The following SPRYD7 variants were observed in gnomAD, a reference collection of about 807,000 sequenced individuals.
The protein encoded by SPRYD7 is SPRY domain containing 7.
Under a neutral mutation model 23.8 loss-of-function variants are expected in SPRYD7, and 14 were observed. The observed-to-expected ratio is 0.59, with a 90% CI of 0.39 to 0.92. The LOEUF (loss-of-function observed/expected upper bound fraction) is 0.92. Ranked by LOEUF, SPRYD7 falls within the 40% of genes least tolerant of loss-of-function variation. SPRYD7 has a pLI of 0.00. For missense variants in SPRYD7, 194 were observed against 241.7 expected, an observed-to-expected ratio of 0.80 and a Z score of 1.31; for synonymous variants, 75 against 84.9, an observed-to-expected ratio of 0.88 and a Z score of 0.64.
At chr13:49,923,202 G>C (rs188715000) in intron 3 of SPRYD7, among the ~76,000 whole-genome samples, 1 of 152,014 alleles carries the variant, frequency 6.6e-6, no homozygotes, top group Admixed American at 6.6e-5. Context: ...TGTAATCCAG[G>C]CACTTTCATC....
intron 4 of SPRYD7, among the ~76,000 whole-genome samples, chr13:49,917,733 C>G (rs116222362): frequency 1.3e-5 from 2 of 152,278 alleles, no homozygotes; most frequent in African/African-American, 4.8e-5. Context: ...AACTGTCACT[C>G]TACTGATATT....
intron 2 of SPRYD7, among the ~76,000 whole-genome samples, chr13:49,929,377 G>A (rs1001978040): frequency 6.6e-6 from 1 of 152,044 alleles, no homozygotes; most frequent in African/African-American, 2.4e-5. Flanking sequence ...ATCATTCAAG[G>A]CTGGCCAAGT....
chr13:49,919,317 G>A (rs894748249), intron 4 of SPRYD7, among the ~76,000 whole-genome samples: 13 of 151,920 alleles, frequency 8.6e-5, no homozygotes, highest in East Asian at 5.9e-4. Flanking sequence ...AGGCCGAGGC[G>A]GGCAGAACAG....
chr13:49,921,341 G>C, intron 4 of SPRYD7, 137 bp downstream of exon 4: 1 of 575,010 alleles, frequency 1.7e-6, no homozygotes, highest in Non-Finnish European at 3.1e-6. Context: ...CTGTGGAACT[G>C]TGAGTCAATT....
chr13:49,917,189 C>T (rs1594508184), intron 4 of SPRYD7, among the ~76,000 whole-genome samples: 2 of 152,052 alleles, frequency 1.3e-5, no homozygotes, highest in African/African-American at 2.4e-5. Flanking sequence ...CTGCAAGCTC[C>T]GCCTCCCCGG....
At chr13:49,929,877 T>C (rs963323392) in intron 2 of SPRYD7, among the ~76,000 whole-genome samples, 2 of 150,196 alleles carry the variant, frequency 1.3e-5, no homozygotes, top group Non-Finnish European at 3.0e-5. Context: ...GCAGCCTCTG[T>C]CTTCCGGGTT....
chr13:49,920,249 GCAAAACAAAA>G (rs113040426), intron 4 of SPRYD7, among the ~76,000 whole-genome samples: 2,604 of 149,498 alleles, frequency 0.017, 63 homozygotes, highest in African/African-American at 0.061. Flanking sequence ...AGACTCTGTC[GCAAAACAAAA>G]CAAAACAAAA....
At chr13:49,928,991 C>T (rs535337283) in intron 2 of SPRYD7, among the ~76,000 whole-genome samples, 2 of 152,244 alleles carry the variant, frequency 1.3e-5, no homozygotes, top group South Asian at 2.1e-4. Flanking sequence ...TAAGCCACCA[C>T]ACCCAGCTAA....
rs1440566762 is a variant in SPRYD7 at position 49,913,128 on chromosome 13, G to A, written c.*1935C>T. On this transcript the variant is annotated 3_prime_UTR_variant, in exon 5 of 5. Coordinates refer to ENST00000361840, the MANE Select transcript of SPRYD7 (RefSeq NM_020456.4). ...GTTGCCGGTCTGAGAAGCATCATGA[G>A]AACCACTTTCTGGCTGGGTGTGGTG... is the stretch of plus-strand genomic sequence containing the variant. 6.6e-6 allele frequency: 1 copy of A among 152,164 alleles called. No individual in the cohort carries two copies. The highest frequency in any genetic ancestry group is 1.5e-5 in the Non-Finnish European group (1 of 68,054). 9.4% of individuals were successfully genotyped at this position (152,164 alleles called of 1,614,324 possible). A position where few individuals can be genotyped will look rare whatever the true frequency, so the allele number is the denominator to read the frequency against.
intron 4 of SPRYD7, among the ~76,000 whole-genome samples, chr13:49,918,863 C>T (rs1434157385): frequency 1.1e-4 from 17 of 151,490 alleles, no homozygotes; most frequent in Admixed American, 7.9e-4. Context: ...TACAGGAGTG[C>T]GCTACCACGT....
chr13:49,917,742 T>C (rs754530638), intron 4 of SPRYD7, among the ~76,000 whole-genome samples: 26 of 152,338 alleles, frequency 1.7e-4, no homozygotes, highest in Admixed American at 3.9e-4. Context: ...TCTACTGATA[T>C]TTATTTTATT....
Position 49,936,316 on chromosome 13 carries a change from C to G in SPRYD7, c.-81G>C. On this transcript the variant is annotated 5_prime_UTR_variant, in exon 1 of 5. Transcript: ENST00000361840. ...CGCCGCTCAGCTCCGTCTCCTGCCC[C>G]CGCCCGAGGTCCGGACTTGTCTATG... The G allele has an allele frequency of 9.8e-7, 1 of 1,021,594 alleles. No individual in the cohort carries two copies. The highest frequency in any genetic ancestry group is 1.4e-6 in the Non-Finnish European group (1 of 710,704). The allele number at this position is 1,021,594 out of a possible 1,614,324, so 63.3% of individuals were successfully genotyped here.
intron 4 of SPRYD7, among the ~76,000 whole-genome samples, chr13:49,919,007 C>T (rs1015535035): frequency 3.9e-5 from 6 of 151,900 alleles, no homozygotes; most frequent in East Asian, 1.9e-4. Context: ...TGAGCCACCA[C>T]GCCAGTCCTA....
At chr13:49,923,715 C>T (rs1232442021) in intron 3 of SPRYD7, among the ~76,000 whole-genome samples, 2 of 151,798 alleles carry the variant, frequency 1.3e-5, no homozygotes, top group East Asian at 1.9e-4. Flanking sequence ...CGCAGTGGCG[C>T]GACCTTGGCT....
At position 49,922,298 on chromosome 13, in the gene SPRYD7, TAAATA is replaced by T. The variant is rs909249115; in HGVS notation, c.391-723_391-719del. The stretch of plus-strand genomic sequence containing the variant: ...TTAAAATAATTATTTTATAATTATA[TAAATA>T]AAATATTTATTTGTATAAATATAAA... On this transcript the variant is annotated intron_variant, in intron 3 of 4. Transcript: ENST00000361840. Among the ~76,000 whole-genome samples, 9 of 148,776 alleles carry T rather than the reference TAAATA, an allele frequency of 6.0e-5. No homozygotes were observed. In the South Asian group the frequency reaches 6.3e-4, roughly 10 times the overall value.
At chr13:49,919,884 C>T (rs539395380) in intron 4 of SPRYD7, among the ~76,000 whole-genome samples, 6 of 150,184 alleles carry the variant, frequency 4.0e-5, no homozygotes, top group Non-Finnish European at 7.4e-5. Context: ...TATTACCTGG[C>T]ATTTGCCTCA....
chr13:49,934,941 A>G lies in SPRYD7; in HGVS notation c.106+1189T>C, dbSNP rs115539744. ...CAGTAAATGAGTAACTGAAATGGAA[A>G]TATTTTCTGAGGAAAACTATAGAAT... is the stretch of plus-strand genomic sequence containing the variant. On this transcript the variant is annotated intron_variant, in intron 1 of 4. Coordinates refer to ENST00000361840, the MANE Select transcript of SPRYD7 (RefSeq NM_020456.4). Among the ~76,000 whole-genome samples, 945 of 152,344 alleles carry G rather than the reference A, an allele frequency of 6.2e-3. 4 individuals are homozygous for G. The highest frequency in any genetic ancestry group is 0.021 in the African/African-American group (868 of 41,578).
rs371049790 is a variant in SPRYD7 at position 49,915,037 on chromosome 13, A to G, written c.*26T>C. 2 of 1,340,040 alleles carry G rather than the reference A, an allele frequency of 1.5e-6. No homozygotes were observed. The highest frequency in any genetic ancestry group is 2.9e-5 in the African/African-American group (2 of 68,124). The allele number at this position is 1,340,040 out of a possible 1,614,324, so 83.0% of individuals were successfully genotyped here. On this transcript the variant is annotated 3_prime_UTR_variant, in exon 5 of 5. Transcript: ENST00000361840. ...GATGAACATTTTTTAACAGTGCAGA[A>G]ATACAAGTTTTAAAAACAAATACAT... is the stretch of plus-strand genomic sequence containing the variant.
At chr13:49,925,751 G>A (rs1232502050) in intron 3 of SPRYD7, among the ~76,000 whole-genome samples, 1 of 151,744 alleles carries the variant, frequency 6.6e-6, no homozygotes, top group Non-Finnish European at 1.5e-5. Context: ...GGTGTAGCTT[G>A]CAGTGAGCCA....
Sources: allele counts gnomAD v4.1 joint callset (sites outside exome capture counted in the v4.1 genomes callset), GRCh38; gene constraint gnomAD v4.1.1; transcripts MANE v1.5; gene names NCBI Gene and HGNC (gene_info 2026-07-23, HGNC 2026-07-21).